ADAMTSL1: variants seen among roughly 807,000 people sequenced by gnomAD.
The protein encoded by ADAMTSL1 is ADAMTS-like protein 1.
Under a neutral mutation model 201.8 loss-of-function variants are expected in ADAMTSL1, and 126 were observed. That is an observed-to-expected ratio of 0.62 (90% CI 0.54 to 0.72). The LOEUF is 0.72. Among genes scored for constraint, ADAMTSL1 ranks in the 30% least tolerant of loss-of-function variants. The pLI, the probability that ADAMTSL1 is intolerant of heterozygous loss-of-function variation, is 0.00. For synonymous variants in ADAMTSL1, 1,121 were observed against 903.4 expected (o/e 1.24, Z -4.32); for missense variants, 2,679 against 2,277.8 (o/e 1.18, Z -3.59).
At chr9:18,483,460 T>C (rs1158132308) in intron 1 of ADAMTSL1, among the ~76,000 whole-genome samples, 7 of 152,054 alleles carry the variant, frequency 4.6e-5, no homozygotes, top group Admixed American at 3.3e-4. Context: ...TAGAGAGGGA[T>C]TGAAATGTTG....
chr9:18,418,372 A>C (rs1818784990), intron 2 of ADAMTSL1, among the ~76,000 whole-genome samples: 1 of 152,150 alleles, frequency 6.6e-6, no homozygotes, highest in South Asian at 2.1e-4. Context: ...CAATGCAGTA[A>C]GTAAGAAAAA....
chr9:18,549,649 C>T lies in ADAMTSL1; in HGVS notation c.237+16357C>T, dbSNP rs532834037. Among the ~76,000 whole-genome samples the T allele has an allele frequency of 2.7e-4, 41 of 152,086 alleles. No individual in the cohort carries two copies. In the South Asian group the frequency reaches 8.3e-3, roughly 31 times the overall value. ...GTCTGGGACTATTGAACTTCCCCAA[C>T]CCTTTGAAGTTAGACATGACCACAT... On this transcript the variant is annotated intron_variant, in intron 3 of 28. Coordinates refer to ENST00000380548, the MANE Select transcript of ADAMTSL1 (RefSeq NM_001040272.6).
intron 1 of ADAMTSL1, among the ~76,000 whole-genome samples, chr9:17,998,406 G>A (rs1244710102): frequency 6.6e-6 from 1 of 151,988 alleles, no homozygotes; most frequent in Admixed American, 6.6e-5. Flanking sequence ...GCTGAAGACA[G>A]GTGAGAACCT....
At chr9:18,437,829 C>A (rs138820454) in intron 2 of ADAMTSL1, among the ~76,000 whole-genome samples, 89 of 152,272 alleles carry the variant, frequency 5.8e-4, no homozygotes, top group African/African-American at 2.0e-3. Flanking sequence ...ACAGCCCCTG[C>A]CTGCTAGCTG....
At chr9:18,536,233 C>A (rs900116028) in intron 3 of ADAMTSL1, among the ~76,000 whole-genome samples, 2 of 152,074 alleles carry the variant, frequency 1.3e-5, no homozygotes, top group Admixed American at 6.5e-5. Flanking sequence ...TTGTTAGGTG[C>A]TTGATTTGGA....
At chr9:18,811,564 G>C (rs1299694919) in intron 20 of ADAMTSL1, among the ~76,000 whole-genome samples, 1 of 152,190 alleles carries the variant, frequency 6.6e-6, no homozygotes, top group Non-Finnish European at 1.5e-5. Flanking sequence ...ACCTGCACTG[G>C]GTAGTAACAA....
At chr9:18,104,061 A>G (rs1824647890) in intron 1 of ADAMTSL1, among the ~76,000 whole-genome samples, 1 of 152,208 alleles carries the variant, frequency 6.6e-6, no homozygotes, top group Non-Finnish European at 1.5e-5. Flanking sequence ...AAATAGTAAC[A>G]TCTTTACAGA....
intron 23 of ADAMTSL1, among the ~76,000 whole-genome samples, chr9:18,869,269 T>C (rs1452994598): frequency 1.3e-5 from 2 of 152,190 alleles, no homozygotes; most frequent in African/African-American, 4.8e-5. Flanking sequence ...TATCAGACAA[T>C]AAATTCATCT....
chr9:18,352,541 G>A (rs1836018480), intron 2 of ADAMTSL1, among the ~76,000 whole-genome samples: 1 of 151,952 alleles, frequency 6.6e-6, no homozygotes, highest in Non-Finnish European at 1.5e-5. Flanking sequence ...TTCAGGTCAG[G>A]GATTACATTT....
chr9:18,892,565 G>T lies in ADAMTSL1; in HGVS notation c.4820G>T (p.Cys1607Phe). Residue 1607 changes from cysteine (C) to phenylalanine (F), a missense_variant, in exon 26 of 29, where the codon TGT becomes TTT. Physicochemically the swap from Cys to Phe is radical, Grantham distance 205. Coordinates refer to ENST00000380548, the MANE Select transcript of ADAMTSL1 (RefSeq NM_001040272.6). ...ACCCAGGCCTGTAACCAGCAGCTGT[G>T]TGTGGAGTGGGCCTTCTCCAGCTGG... ...VDTQACNQQL[C>F]VEWAFSSWGQ... 1 of 1,571,644 alleles carries T rather than the reference G, an allele frequency of 6.4e-7. No homozygotes were observed. The highest frequency in any genetic ancestry group is 8.6e-7 in the Non-Finnish European group (1 of 1,158,096).
At chr9:18,696,681 T>C (rs1219964709) in intron 13 of ADAMTSL1, among the ~76,000 whole-genome samples, 1 of 152,038 alleles carries the variant, frequency 6.6e-6, no homozygotes, top group Non-Finnish European at 1.5e-5. Context: ...GCACCAACTG[T>C]GGAGCCAGCC....
chr9:18,846,492 T>C (rs912077957), intron 23 of ADAMTSL1, among the ~76,000 whole-genome samples: 12 of 152,186 alleles, frequency 7.9e-5, no homozygotes, highest in Non-Finnish European at 1.2e-4. Flanking sequence ...GGAGTGGCCT[T>C]AGACAAGGTT....
At chr9:18,850,276 G>A (rs1826406635) in intron 23 of ADAMTSL1, among the ~76,000 whole-genome samples, 1 of 152,202 alleles carries the variant, frequency 6.6e-6, no homozygotes, top group Admixed American at 6.5e-5. Flanking sequence ...TGAGTTTCAT[G>A]TCCCTGAAAT....
intron 5 of ADAMTSL1, among the ~76,000 whole-genome samples, chr9:18,628,132 C>A (rs58154665): frequency 6.6e-6 from 1 of 152,022 alleles, no homozygotes; most frequent in Non-Finnish European, 1.5e-5. Context: ...TTTTCTTTTA[C>A]GGCTCATGCT....
At chr9:18,153,312 T>C (rs61032324) in intron 1 of ADAMTSL1, among the ~76,000 whole-genome samples, 6,713 of 152,128 alleles carry the variant, frequency 0.044, 398 homozygotes, top group African/African-American at 0.14. Flanking sequence ...ATAAATGCTC[T>C]TGGGAAAGTC....
chr9:18,711,553 G>A lies in ADAMTSL1; in HGVS notation c.1876+4505G>A, dbSNP rs186460487. The stretch of plus-strand genomic sequence containing the variant: ...GCTTTTCCGACGGGCTTAAAAAACG[G>A]TGCAACAGGAGATTATATCCCGCAC... On this transcript the variant is annotated intron_variant, in intron 14 of 28. Transcript: ENST00000380548. Among the ~76,000 whole-genome samples the A allele has an allele frequency of 2.6e-5, 4 of 152,370 alleles. No individual in the cohort carries two copies. In the East Asian group the frequency reaches 7.7e-4, roughly 29 times the overall value.
chr9:18,248,367 T>C (rs533674765), intron 2 of ADAMTSL1, among the ~76,000 whole-genome samples: 24 of 152,254 alleles, frequency 1.6e-4, no homozygotes, highest in Non-Finnish European at 3.5e-4. Flanking sequence ...CTTCCCATAT[T>C]TGCTATTCCA....
Position 18,528,468 on chromosome 9 carries a change from T to C in ADAMTSL1, c.192-4779T>C, listed in dbSNP as rs182145550. ...CCGCTTGTAAGTGAGATTGATTTTC[T>C]GTTCCTCCATTAGTTTGCTGAGGAT... On this transcript the variant is annotated intron_variant, in intron 2 of 28. Coordinates refer to ENST00000380548, the MANE Select transcript of ADAMTSL1 (RefSeq NM_001040272.6). Among the ~76,000 whole-genome samples, 10 of 152,300 alleles carry C rather than the reference T, an allele frequency of 6.6e-5. 1 individual carries two copies. The East Asian group carries it at 1.7e-3, about 27-fold the overall frequency.
chr9:18,565,372 G>A (rs1384876917), intron 3 of ADAMTSL1, among the ~76,000 whole-genome samples: 12 of 152,130 alleles, frequency 7.9e-5, no homozygotes, highest in Admixed American at 7.9e-4. Flanking sequence ...AAGGTATTAA[G>A]ATGGTTAATG....
Sources: gnomAD v4.1 joint callset for allele counts (sites outside exome capture counted in the v4.1 genomes callset) on GRCh38, gnomAD v4.1.1 for gene constraint, MANE v1.5 for transcripts, NCBI Gene and HGNC (gene_info 2026-07-23, HGNC 2026-07-21) for gene names.